TLN2: variants seen among roughly 807,000 people sequenced by gnomAD.
TLN2 encodes talin-2.
In TLN2, 118 loss-of-function variants were observed where a neutral mutation model predicts 294.7. That is an observed-to-expected ratio of 0.40 (90% CI 0.34 to 0.47). The LOEUF (loss-of-function observed/expected upper bound fraction) is 0.47, where lower values mean the gene tolerates loss of function less well. Ranked by LOEUF, TLN2 falls within the 20% of genes least tolerant of loss-of-function variation. TLN2 has a pLI of 0.84. For missense variants in TLN2, 3,083 were observed against 3,282.2 expected (o/e 0.94, Z 1.48); for synonymous variants, 1,431 against 1,304.5 (o/e 1.10, Z -2.09).
chr15:62,712,041 A>G lies in TLN2; in HGVS notation c.2598A>G (p.Leu866=), dbSNP rs757296566. ...SKKLLAAAKL[L]ADSTARMVEA... is the part of the protein sequence containing the mutation. Reference sequence around the variant, plus strand: ...AGCTCCTGGCAGCAGCAAAACTCTTAGCTGACTCCACTGCTCGCATGGTGG... The same window carrying G: ...AGCTCCTGGCAGCAGCAAAACTCTTGGCTGACTCCACTGCTCGCATGGTGG... The change falls in exon 22 of 59, where the codon TTA becomes TTG. Residue 866 remains leucine (L), a synonymous_variant. Transcript: ENST00000636159. The G allele has an allele frequency of 1.2e-5, 20 of 1,614,088 alleles. No individual in the cohort carries two copies. The highest frequency in any genetic ancestry group is 1.6e-5 in the Non-Finnish European group (19 of 1,180,034).
intron 43 of TLN2, among the ~76,000 whole-genome samples, chr15:62,777,231 A>G (rs971395210): frequency 1.5e-4 from 23 of 148,556 alleles, no homozygotes; most frequent in Non-Finnish European, 2.5e-4. Context: ...AATTGCCAAA[A>G]TGAAATAAAA....
At position 62,415,285 on chromosome 15, in the gene TLN2, A is replaced by G. The variant is rs1013130731; in HGVS notation, c.-238+24600A>G. On this transcript the variant is annotated intron_variant, in intron 1 of 58. Transcript: ENST00000636159. ...AGGAAAGGGTAGGAGAGGTGCCCGA[A>G]CTGACTGACAGCCGTGCGAGTTTCT... Among the ~76,000 whole-genome samples, 6 of 141,538 alleles carry G rather than the reference A, an allele frequency of 4.2e-5. 1 individual carries two copies. The highest frequency in any genetic ancestry group is 2.7e-4 in the South Asian group (1 of 3,712). The allele number at this position is 141,538 out of a possible 152,430, so 92.9% of individuals were successfully genotyped here. A position where few individuals can be genotyped will look rare whatever the true frequency, so the allele number is the denominator to read the frequency against.
At chr15:62,751,972 T>C (rs988450760) in intron 34 of TLN2, among the ~76,000 whole-genome samples, 1 of 152,228 alleles carries the variant, frequency 6.6e-6, no homozygotes, top group Non-Finnish European at 1.5e-5. Flanking sequence ...TACAGCTCGA[T>C]GCATATGATT....
chr15:62,637,756 G>C (rs973435440), intron 3 of TLN2: 7 of 152,522 alleles, frequency 4.6e-5, no homozygotes, highest in Admixed American at 6.5e-5. Context: ...TCACAGCTGA[G>C]TGCTCTGAGA....
chr15:62,697,361 G>A (rs748062937), intron 14 of TLN2, among the ~76,000 whole-genome samples: 3 of 152,112 alleles, frequency 2.0e-5, no homozygotes, highest in Non-Finnish European at 4.4e-5. Context: ...CTTCCCATTT[G>A]GCCTCCAAAA....
At chr15:62,502,271 A>G (rs567484841) in intron 1 of TLN2, among the ~76,000 whole-genome samples, 2 of 152,348 alleles carry the variant, frequency 1.3e-5, no homozygotes, top group African/African-American at 4.8e-5. Context: ...TGAATTTACT[A>G]TATTTGACAG....
intron 3 of TLN2, chr15:62,640,413 C>A (rs983420000): frequency 1.5e-5 from 7 of 452,344 alleles, no homozygotes; most frequent in Non-Finnish European, 3.1e-5. Flanking sequence ...CTCTTGTAGA[C>A]CTCCACGGCC....
intron 1 of TLN2, among the ~76,000 whole-genome samples, chr15:62,456,992 A>G (rs566433323): frequency 5.2e-4 from 79 of 152,250 alleles, no homozygotes; most frequent in African/African-American, 1.8e-3. Flanking sequence ...ACTTTTTACA[A>G]CCTGTGAATG....
intron 1 of TLN2, among the ~76,000 whole-genome samples, chr15:62,544,985 A>G (rs1310746774): frequency 6.6e-6 from 1 of 151,458 alleles, no homozygotes; most frequent in Non-Finnish European, 1.5e-5. Context: ...GCTGGAGTGC[A>G]GTGTTGCGAT....
chr15:62,735,836 T>C (rs2060979956), intron 28 of TLN2, among the ~76,000 whole-genome samples: 1 of 152,112 alleles, frequency 6.6e-6, no homozygotes, highest in African/African-American at 2.4e-5. Context: ...AACCCAAAAG[T>C]CCATCAACAG....
chr15:62,459,939 A>G (rs1172435107), intron 1 of TLN2, among the ~76,000 whole-genome samples: 1 of 152,178 alleles, frequency 6.6e-6, no homozygotes, highest in Admixed American at 6.5e-5. Flanking sequence ...GAAATAATTT[A>G]AAAGGAAGAA....
At chr15:62,679,647 G>C (rs1349811955) in intron 11 of TLN2, among the ~76,000 whole-genome samples, 3 of 152,204 alleles carry the variant, frequency 2.0e-5, no homozygotes, top group East Asian at 1.9e-4. Context: ...AAAGGGTTCA[G>C]GGTTCTTTTT....
intron 52 of TLN2, among the ~76,000 whole-genome samples, chr15:62,810,977 G>A (rs1037601157): frequency 1.3e-5 from 2 of 152,112 alleles, no homozygotes; most frequent in African/African-American, 4.8e-5. Context: ...CTGTCCTTGC[G>A]CAGCCATGAG....
chr15:62,588,264 TGTTA>T (rs1015908957), intron 1 of TLN2, among the ~76,000 whole-genome samples: 1 of 152,238 alleles, frequency 6.6e-6, no homozygotes, highest in Non-Finnish European at 1.5e-5. Context: ...ATGAAAAATT[TGTTA>T]ATTTGCTTTA....
At chr15:62,802,272 G>A (rs2065978829) in intron 50 of TLN2, among the ~76,000 whole-genome samples, 2 of 152,022 alleles carry the variant, frequency 1.3e-5, no homozygotes, top group Non-Finnish European at 2.9e-5. Context: ...TTCCATCCAT[G>A]TTGTTGCTAA....
intron 1 of TLN2, among the ~76,000 whole-genome samples, chr15:62,521,401 A>C (rs1596003068): frequency 6.6e-6 from 1 of 152,204 alleles, no homozygotes; most frequent in African/African-American, 2.4e-5. Flanking sequence ...ATGAGTGACC[A>C]TGGCCTGGGA....
chr15:62,423,072 A>G (rs938520951), intron 1 of TLN2, among the ~76,000 whole-genome samples: 1 of 152,192 alleles, frequency 6.6e-6, no homozygotes, highest in Non-Finnish European at 1.5e-5. Flanking sequence ...CCAGGATCAC[A>G]TTAGCTCTAG....
intron 35 of TLN2, 113 bp downstream of exon 35, chr15:62,752,540 A>G: frequency 6.9e-7 from 1 of 1,452,872 alleles, no homozygotes; most frequent in Non-Finnish European, 9.2e-7. Flanking sequence ...AACCATGGGA[A>G]AGGCAGTGGC....
At chr15:62,822,247 A>G (rs2067633461) in intron 54 of TLN2, among the ~76,000 whole-genome samples, 1 of 152,218 alleles carries the variant, frequency 6.6e-6, no homozygotes, top group South Asian at 2.1e-4. Context: ...TAATTAAATA[A>G]GATAGTATAA....
Sources: allele counts gnomAD v4.1 joint callset (sites outside exome capture counted in the v4.1 genomes callset), GRCh38; gene constraint gnomAD v4.1.1; transcripts MANE v1.5; gene names NCBI Gene and HGNC (gene_info 2026-07-23, HGNC 2026-07-21).